Variants in DACH2 observed in about 807,000 individuals in gnomAD.
DACH2 encodes the protein dachshund homolog 2.
A neutral mutation model predicts 35.8 loss-of-function variants in DACH2; 17 were observed. The ratio of observed to expected loss-of-function variants is 0.48; its 90% CI spans 0.33 to 0.71. DACH2 has a LOEUF of 0.71. Among genes scored for constraint, DACH2 ranks in the 30% least tolerant of loss-of-function variants. The pLI is 0.02. For missense variants in DACH2, 469 were observed against 472.7 expected (o/e 0.99, Z 0.07); for synonymous variants, 195 against 177.3 (o/e 1.10, Z -0.79).
chrX:86,161,444 G>T, intron 1 of DACH2: 1 of 476,843 alleles, frequency 2.1e-6, no homozygotes, highest in Non-Finnish European at 3.3e-6. Context: ...ACACCTTCCT[G>T]TGTTCAGAAC....
intron 6 of DACH2, among the ~76,000 whole-genome samples, chrX:86,721,130 G>A (rs2041401828): frequency 1.8e-5 from 2 of 112,387 alleles, no homozygotes; most frequent in South Asian, 7.5e-4. Flanking sequence ...CCAAACCTGT[G>A]ATGGGAAGAT....
chrX:86,433,003 C>A (rs769095398), intron 2 of DACH2, among the ~76,000 whole-genome samples: 2 of 111,852 alleles, frequency 1.8e-5, no homozygotes, highest in African/African-American at 6.5e-5. Context: ...ACCCTAGATT[C>A]ATCACTTGCT....
chrX:86,454,064 T>C, intron 2 of DACH2, among the ~76,000 whole-genome samples: 1 of 111,746 alleles, frequency 8.9e-6, no homozygotes, highest in Admixed American at 9.6e-5. Context: ...TATGAAATTC[T>C]GGGTTAGAAA....
chrX:86,686,522 T>C (rs1286603550), intron 4 of DACH2, among the ~76,000 whole-genome samples: 1 of 111,027 alleles, frequency 9.0e-6, no homozygotes, highest in Non-Finnish European at 1.9e-5. Context: ...TGAGCCACCA[T>C]GCCCAGTAAT....
At chrX:86,168,171 C>G (rs926327977) in intron 1 of DACH2, among the ~76,000 whole-genome samples, 7 of 111,601 alleles carry the variant, frequency 6.3e-5, no homozygotes, top group Non-Finnish European at 1.1e-4. Context: ...GGGTTTATCT[C>G]TCTGTTTAGC....
intron 4 of DACH2, among the ~76,000 whole-genome samples, chrX:86,663,467 C>CT (rs1213391738): frequency 9.0e-6 from 1 of 111,475 alleles, no homozygotes; most frequent in Non-Finnish European, 1.9e-5. Context: ...ATTTTTGACA[C>CT]TTATCAGTTG....
At chrX:86,314,363 A>T (rs1201892749) in intron 1 of DACH2, among the ~76,000 whole-genome samples, 2 of 110,731 alleles carry the variant, frequency 1.8e-5, no homozygotes, top group Non-Finnish European at 3.8e-5. Context: ...CAAAAAAATT[A>T]AAAAATTAGC....
chrX:86,414,171 T>C (rs1264318354), intron 2 of DACH2, among the ~76,000 whole-genome samples: 3 of 111,534 alleles, frequency 2.7e-5, no homozygotes, highest in Non-Finnish European at 5.7e-5. Context: ...CTGGAAATTG[T>C]TTGAGGGGCC....
intron 7 of DACH2, among the ~76,000 whole-genome samples, chrX:86,773,157 T>C (rs1322138119): frequency 8.9e-6 from 1 of 112,082 alleles, no homozygotes; most frequent in East Asian, 2.8e-4. Context: ...TTTAATCCAG[T>C]AGAACCTATT....
At chrX:86,791,101 G>A (rs1333275869) in intron 7 of DACH2, among the ~76,000 whole-genome samples, 1 of 111,263 alleles carries the variant, frequency 9.0e-6, no homozygotes, top group Non-Finnish European at 1.9e-5. Context: ...TCCATGTTGA[G>A]TAGGCTGAGA....
chrX:86,488,690 C>T (rs1279976376), intron 2 of DACH2, among the ~76,000 whole-genome samples: 1 of 111,312 alleles, frequency 9.0e-6, no homozygotes, highest in Non-Finnish European at 1.9e-5. Flanking sequence ...ACAATGTATA[C>T]ATGTATTGAA....
chrX:86,402,540 T>C (rs1389489563), intron 2 of DACH2, among the ~76,000 whole-genome samples: 1 of 111,041 alleles, frequency 9.0e-6, no homozygotes, highest in Admixed American at 9.6e-5. Flanking sequence ...ATGACACAAA[T>C]AAATGAGAAA....
At chrX:86,375,398 T>TATAC (rs2035948187) in intron 1 of DACH2, among the ~76,000 whole-genome samples, 1 of 100,983 alleles carries the variant, frequency 9.9e-6, no homozygotes, top group Non-Finnish European at 2.0e-5. Flanking sequence ...TATATATATA[T>TATAC]ATACATATAT....
intron 3 of DACH2, among the ~76,000 whole-genome samples, chrX:86,639,218 G>A (rs1036260187): frequency 1.8e-5 from 2 of 111,541 alleles, no homozygotes; most frequent in African/African-American, 6.5e-5. Context: ...AGAGAATGAA[G>A]AAAAGCAAGA....
chrX:86,428,523 G>A lies in DACH2; in HGVS notation c.527+51661G>A, dbSNP rs79974226. 8.4e-3 allele frequency among the ~76,000 whole-genome samples: 938 copies of A among 111,766 alleles called. 23 individuals are homozygous for A. The East Asian group carries it at 0.086, about 10-fold the overall frequency. The stretch of plus-strand genomic sequence containing the variant: ...TACTATTATGATGTTTTGGGTTTAA[G>A]GGCTGATCTAATTCTACAAATAGAA... On this transcript the variant is annotated intron_variant, in intron 2 of 11. Transcript: ENST00000373125.
chrX:86,696,134 T>G (rs1207819555), intron 5 of DACH2, among the ~76,000 whole-genome samples: 2 of 111,475 alleles, frequency 1.8e-5, no homozygotes, highest in African/African-American at 3.3e-5. Context: ...TTTGTATATA[T>G]CTTACTTTTC....
intron 1 of DACH2, among the ~76,000 whole-genome samples, chrX:86,180,218 G>A (rs1353593334): frequency 6.9e-5 from 3 of 43,634 alleles, no homozygotes; most frequent in Non-Finnish European, 1.0e-4. Context: ...GGTTCTTATA[G>A]TAATGTGAAA....
chrX:86,673,862 C>T (rs1454615711), intron 4 of DACH2, among the ~76,000 whole-genome samples: 1 of 111,535 alleles, frequency 9.0e-6, no homozygotes, highest in Admixed American at 9.5e-5. Flanking sequence ...GCACCTCCCC[C>T]TTCGCTCTCT....
At chrX:86,764,097 A>G (rs1437533263) in intron 7 of DACH2, among the ~76,000 whole-genome samples, 1 of 112,110 alleles carries the variant, frequency 8.9e-6, no homozygotes, top group African/African-American at 3.2e-5. Context: ...TTGAATCTAA[A>G]TGATCATTCT....
Sources: allele counts gnomAD v4.1 joint callset (sites outside exome capture counted in the v4.1 genomes callset), GRCh38; gene constraint gnomAD v4.1.1; transcripts MANE v1.5; gene names NCBI Gene and HGNC (gene_info 2026-07-23, HGNC 2026-07-21).